The following TRPA1 variants were observed in gnomAD, a reference collection of about 807,000 sequenced individuals.
TRPA1 encodes the protein transient receptor potential cation channel subfamily A member 1.
TRPA1 carries 129 observed loss-of-function variants against 131.3 expected under a neutral mutation model. That is an observed-to-expected ratio of 0.98 (90% CI 0.85 to 1.14). TRPA1 has a LOEUF of 1.14. TRPA1 is among the 50% of genes most tolerant of loss of function. The pLI, the probability that TRPA1 is intolerant of heterozygous loss-of-function variation, is 0.00. For missense variants in TRPA1, 1,304 were observed against 1,354.2 expected, an observed-to-expected ratio of 0.96 and a Z score of 0.58; for synonymous variants, 441 against 451.7, an observed-to-expected ratio of 0.98 and a Z score of 0.30.
chr8:72,045,008 T>TA (rs1812378842), intron 17 of TRPA1, among the ~76,000 whole-genome samples: 1 of 152,042 alleles, frequency 6.6e-6, no homozygotes, highest in African/African-American at 2.4e-5. Context: ...TTTTTTCTGA[T>TA]AGAAGTATTG....
At chr8:72,023,648 TG>T (rs1811477229) in intron 26 of TRPA1, 165 bp downstream of exon 26, 1 of 556,632 alleles carries the variant, frequency 1.8e-6, no homozygotes, top group South Asian at 2.3e-5. Flanking sequence ...AATATGTTGT[TG>T]GTTCTAAAAA....
Position 72,065,563 on chromosome 8 carries a change from A to T in TRPA1, c.445-5T>A. On this transcript the variant is annotated splice_region_variant and splice_polypyrimidine_tract_variant and intron_variant, in intron 3 of 26. Transcript: ENST00000262209. Reference sequence around the variant, plus strand: ...AGTTCTATGCTCAAGCAAGACCTAAAAAAAGGGGAGAATAATTGTCAAAAT... The same window carrying T: ...AGTTCTATGCTCAAGCAAGACCTAATAAAAGGGGAGAATAATTGTCAAAAT... 6.2e-7 allele frequency: 1 copy of T among 1,610,596 alleles called. No individual in the cohort carries two copies. The highest frequency in any genetic ancestry group is 8.5e-7 in the Non-Finnish European group (1 of 1,177,260).
At chr8:72,053,275 G>T (rs1016927067) in intron 13 of TRPA1, 2 of 198,308 alleles carry the variant, frequency 1.0e-5, no homozygotes, top group Non-Finnish European at 1.0e-5. Flanking sequence ...TCCACTTAAA[G>T]ACTTTTTTTT....
At chr8:72,076,612 G>C (rs570894201), upstream of TRPA1, 1 of 152,436 alleles carries the variant, frequency 6.6e-6, no homozygotes, top group Admixed American at 6.5e-5. Context: ...AACTGGCATA[G>C]GTGCACTCAG....
Position 72,038,867 on chromosome 8 carries a change from TG to T in TRPA1, c.2292del (p.Thr765ArgfsTer5). 6.2e-7 allele frequency: 1 copy of T among 1,610,218 alleles called. No individual in the cohort carries two copies. The highest frequency in any genetic ancestry group is 8.5e-7 in the Non-Finnish European group (1 of 1,178,070). ...ETSDHSEILD[T>X]TNSYLIKTCM... ...AGAAAGTTAAAATTTGAAATTACCG[TG>T]GTATCTAGTATTTCTGAATGATCAC... On this transcript the variant is annotated frameshift_variant, in exon 19 of 27. Coordinates refer to ENST00000262209, the MANE Select transcript of TRPA1 (RefSeq NM_007332.3). LOFTEE classifies it high-confidence loss of function.
chr8:72,043,829 A>AT (rs1032773834), intron 17 of TRPA1, among the ~76,000 whole-genome samples: 17 of 151,856 alleles, frequency 1.1e-4, no homozygotes, highest in East Asian at 5.8e-4. Context: ...ACTCTATTAC[A>AT]TTTTTTCAAT....
intron 17 of TRPA1, among the ~76,000 whole-genome samples, chr8:72,040,629 A>AT (rs1292865317): frequency 1.3e-5 from 2 of 152,208 alleles, no homozygotes; most frequent in East Asian, 3.9e-4. Flanking sequence ...CAAGGGAATG[A>AT]TTTTTATCTT....
chr8:72,056,917 C>G lies in TRPA1; in HGVS notation c.1194G>C (p.Gln398His). Residue 398 changes from glutamine to histidine, a missense_variant and splice_region_variant, in exon 10 of 27, where the codon CAG becomes CAC. Transcript: ENST00000262209. ...ATGGCAATCCACAGATATACATTACCTGCATAAATTCAGGTCGCAGATTTT... is the reference window on the plus strand; with the variant it reads ...ATGGCAATCCACAGATATACATTACGTGCATAAATTCAGGTCGCAGATTTT... Reference protein sequence around the residue: ...GLKNLRPEFMQMQQIKELVMD... With the variant: ...GLKNLRPEFMHMQQIKELVMD... The G allele has an allele frequency of 6.2e-7, 1 of 1,602,124 alleles. No individual in the cohort carries two copies. The highest frequency in any genetic ancestry group is 8.5e-7 in the Non-Finnish European group (1 of 1,172,840).
rs1305237712 is a variant in TRPA1 at position 72,057,017 on chromosome 8, C to T, written c.1094G>A (p.Gly365Asp). 2.5e-6 allele frequency: 4 copies of T among 1,592,340 alleles called. No homozygotes were observed. The highest frequency in any genetic ancestry group is 3.4e-5 in the Admixed American group (2 of 58,950). The change falls in exon 10 of 27, where the codon GGT becomes GAT. Residue 365 changes from glycine to aspartate, a missense_variant and splice_region_variant. Physicochemically the swap from Gly to Asp is moderately conservative, Grantham distance 94. Coordinates refer to ENST00000262209, the MANE Select transcript of TRPA1 (RefSeq NM_007332.3). ...WNIVNLLLSK[G>D]AQVDIKDNFG... ...ATTATCTTTTATGTCTACTTGGGCACCTAAAAAAAAACACTATGTAAATAT... is the reference window on the plus strand; with the variant it reads ...ATTATCTTTTATGTCTACTTGGGCATCTAAAAAAAAACACTATGTAAATAT...
intron 3 of TRPA1, among the ~76,000 whole-genome samples, 172 bp downstream of exon 3, chr8:72,068,851 A>AATC (rs533556510): frequency 1.8e-3 from 275 of 152,294 alleles, no homozygotes; most frequent in Non-Finnish European, 3.1e-3. Flanking sequence ...AGTCAAAACT[A>AATC]ATCATCATCA....
Position 72,057,078 on chromosome 8 carries a change from G to A in TRPA1, c.1094-61C>T, listed in dbSNP as rs535803443. The A allele has an allele frequency of 6.6e-6, 9 of 1,363,972 alleles. No homozygotes were observed. The African/African-American group carries it at 7.4e-5, about 11-fold the overall frequency. The allele number at this position is 1,363,972 out of a possible 1,614,324, so 84.5% of individuals were successfully genotyped here. On this transcript the variant is annotated intron_variant, in intron 9 of 26. Coordinates refer to ENST00000262209, the MANE Select transcript of TRPA1 (RefSeq NM_007332.3). ...CATTTATTTAAAGCAATGTTTACGT[G>A]GATTTTCAACTTAGCAAAAAAAAAT...
At chr8:72,031,261 C>T (rs1019277469) in intron 23 of TRPA1, among the ~76,000 whole-genome samples, 1 of 152,122 alleles carries the variant, frequency 6.6e-6, no homozygotes, top group Non-Finnish European at 1.5e-5. Context: ...GTGTTCTCTC[C>T]AATTTACATT....
At chr8:72,072,880 C>T (rs1822570) in intron 1 of TRPA1, among the ~76,000 whole-genome samples, 59,266 of 151,940 alleles carry the variant, frequency 0.39, 12,209 homozygotes, top group East Asian at 0.63. Context: ...CTATTGAATT[C>T]ACAATAACAA....
chr8:72,065,341 T>A, intron 4 of TRPA1, 110 bp downstream of exon 4: 2 of 1,040,528 alleles, frequency 1.9e-6, no homozygotes, highest in Non-Finnish European at 2.8e-6. Context: ...AGTTTTTGTA[T>A]TTTATATTTT....
rs1563397901 is a variant in TRPA1, at chr8:72,055,772, A to G, written c.1278T>C (p.Pro426=). Residue 426 remains proline (P), a synonymous_variant, in exon 11 of 27, where the codon CCT becomes CCC. Coordinates refer to ENST00000262209, the MANE Select transcript of TRPA1 (RefSeq NM_007332.3). ...PLHYACRQGG[P]GSVNNLLGFN... is the part of the protein sequence containing the mutation. ...AGCCAAGTAGGTTATTTACAGAACC[A>G]GGGCCCCCCTGTCTACATGCATAAT... The G allele has an allele frequency of 1.2e-6, 2 of 1,612,968 alleles. No individual in the cohort carries two copies. The highest frequency in any genetic ancestry group is 1.7e-6 in the Non-Finnish European group (2 of 1,179,188).
At position 72,022,681 on chromosome 8, in the gene TRPA1, A is replaced by G; in HGVS notation, c.*225T>C. 1.7e-6 allele frequency: 1 copy of G among 598,204 alleles called. No individual in the cohort carries two copies. The highest frequency in any genetic ancestry group is 3.0e-6 in the Non-Finnish European group (1 of 334,458). 37.1% of individuals were successfully genotyped at this position (598,204 alleles called of 1,614,324 possible). ...ATGAGATTATATCTCATCAAAGTCC[A>G]GTCCAATTTGAACATATCTGCAAAG... On this transcript the variant is annotated 3_prime_UTR_variant, in exon 27 of 27. Coordinates refer to ENST00000262209, the MANE Select transcript of TRPA1 (RefSeq NM_007332.3).
At chr8:72,058,166 A>T (rs1414090687) in intron 8 of TRPA1, among the ~76,000 whole-genome samples, 1 of 152,160 alleles carries the variant, frequency 6.6e-6, no homozygotes, top group Non-Finnish European at 1.5e-5. Flanking sequence ...AATGTCTATA[A>T]TTTTAAAACT....
chr8:72,063,484 T>G lies in TRPA1; in HGVS notation c.640A>C (p.Met214Leu). 6.2e-7 allele frequency: 1 copy of G among 1,613,060 alleles called. No individual in the cohort carries two copies. Among genetic ancestry groups the G allele is most frequent in the Non-Finnish European group, 8.5e-7 (1 of 1,179,162 alleles). ...TCACCAAACCTTAGTATTATTTCCA[T>G]GCATTCTTTGGAACCTGAAAATGCA... Reference protein sequence around the residue: ...QAAFSGSKECMEIILRFGEEH... With the variant: ...QAAFSGSKECLEIILRFGEEH... The change falls in exon 5 of 27, where the codon ATG becomes CTG. Residue 214 changes from methionine (M) to leucine (L), a missense_variant. By Grantham distance (15) the Met-to-Leu change is conservative (BLOSUM62 2). Coordinates refer to ENST00000262209, the MANE Select transcript of TRPA1 (RefSeq NM_007332.3).
chr8:72,047,330 C>A, intron 15 of TRPA1, 123 bp from the exon 16 acceptor site: 3 of 749,040 alleles, frequency 4.0e-6, no homozygotes, highest in South Asian at 1.6e-5. Flanking sequence ...TCTTGCATCT[C>A]AAGAATAAAT....
Sources: gnomAD v4.1 joint callset for allele counts (sites outside exome capture counted in the v4.1 genomes callset) on GRCh38, gnomAD v4.1.1 for gene constraint, MANE v1.5 for transcripts, NCBI Gene and HGNC (gene_info 2026-07-23, HGNC 2026-07-21) for gene names.